CDHR3: variants seen among roughly 807,000 people sequenced by gnomAD.
CDHR3 encodes the protein cadherin related family member 3.
A neutral mutation model predicts 86.6 loss-of-function variants in CDHR3; 79 were observed. The ratio of observed to expected loss-of-function variants is 0.91; its 90% confidence interval spans 0.76 to 1.10. The LOEUF is 1.10. Among genes scored for constraint, CDHR3 ranks in the 50% least tolerant of loss-of-function variants. The pLI, the probability that CDHR3 is intolerant of heterozygous loss-of-function variation, is 0.00. For missense variants in CDHR3, 1,081 were observed against 1,077.6 expected (o/e 1.00, Z -0.04); for synonymous variants, 421 against 402.4 (o/e 1.05, Z -0.55).
At position 106,034,270 on chromosome 7, in the gene CDHR3, G is replaced by A. The variant is rs1269822520; in HGVS notation, c.*1573G>A. Among the ~76,000 whole-genome samples, 1 of 152,218 alleles carries A rather than the reference G, an allele frequency of 6.6e-6. No individual in the cohort carries two copies. The highest frequency in any genetic ancestry group is 6.5e-5 in the Admixed American group (1 of 15,288). Reference sequence around the variant, plus strand: ...TGAGCAAGCTTCACTCGAGCTCTATGCCCTGCTGCCCAGCTGCTGCGACCC... The same window carrying A: ...TGAGCAAGCTTCACTCGAGCTCTATACCCTGCTGCCCAGCTGCTGCGACCC... On this transcript the variant is annotated 3_prime_UTR_variant, in exon 19 of 19. Transcript: ENST00000317716.
chr7:106,029,543 C>CCT (rs200247045), intron 17 of CDHR3, among the ~76,000 whole-genome samples: 1,634 of 96,574 alleles, frequency 0.017, 18 homozygotes, highest in Middle Eastern at 0.024. Flanking sequence ...CTCTCCTCCA[C>CCT]CTCTGTCTCT....
At position 106,035,110 on chromosome 7, in the gene CDHR3, A is replaced by G. The variant is rs928774059; in HGVS notation, c.*2413A>G. 1.3e-5 allele frequency among the ~76,000 whole-genome samples: 2 copies of G among 151,570 alleles called. No homozygotes were observed. The highest frequency in any genetic ancestry group is 2.9e-5 in the Non-Finnish European group (2 of 67,900). On this transcript the variant is annotated 3_prime_UTR_variant, in exon 19 of 19. Transcript: ENST00000317716. ...AAAAAAAAAAAAAAGAATAATTAAAAGGAGAGAGTGGTGAGCAGCTGGTCT... is the reference window on the plus strand; with the variant it reads ...AAAAAAAAAAAAAAGAATAATTAAAGGGAGAGAGTGGTGAGCAGCTGGTCT...
chr7:105,963,737 C>T (rs1052781340), intron 1 of CDHR3, among the ~76,000 whole-genome samples: 5 of 152,018 alleles, frequency 3.3e-5, no homozygotes, highest in South Asian at 2.1e-4. Context: ...TCTGGAGGCT[C>T]GTAGGGCAAC....
At chr7:105,977,696 C>T (rs947772065) in intron 2 of CDHR3, among the ~76,000 whole-genome samples, 1 of 152,230 alleles carries the variant, frequency 6.6e-6, no homozygotes, top group Admixed American at 6.5e-5. Context: ...GCCTTCCAGA[C>T]ATGAAAATCT....
intron 8 of CDHR3, 122 bp from the exon 9 acceptor site, chr7:106,012,737 CA>C (rs1291622088): frequency 9.3e-7 from 1 of 1,077,544 alleles, no homozygotes; most frequent in Non-Finnish European, 1.3e-6. Flanking sequence ...GAGGTGACTG[CA>C]ATGACCATGG....
At chr7:105,996,387 C>T (rs764225043) in intron 6 of CDHR3, 33 bp downstream of exon 6, 23 of 1,310,786 alleles carry the variant, frequency 1.8e-5, no homozygotes, top group South Asian at 9.9e-5. Flanking sequence ...CTCCCTGGGC[C>T]GCAGGTGCGT....
chr7:105,987,780 C>A (rs1830735028), intron 4 of CDHR3, among the ~76,000 whole-genome samples: 1 of 152,212 alleles, frequency 6.6e-6, no homozygotes, highest in Non-Finnish European at 1.5e-5. Context: ...TTTCCAAGTC[C>A]CACTCCTGGA....
At chr7:106,019,983 C>T (rs990531033) in intron 12 of CDHR3, among the ~76,000 whole-genome samples, 1 of 152,198 alleles carries the variant, frequency 6.6e-6, no homozygotes, top group Admixed American at 6.5e-5. Context: ...TCCACACCTT[C>T]CTGGAAAAAC....
chr7:105,996,274 G>C lies in CDHR3; in HGVS notation c.633G>C (p.Arg211Ser). Reference protein sequence around the residue: ...HRSFHLIVEVRDSGGLKASTE... With the variant: ...HRSFHLIVEVSDSGGLKASTE... ...GTTTCCATCTCATCGTGGAGGTGAG[G>C]GACAGTGGAGGCCTCAAAGCCTCCA... Residue 211 changes from arginine to serine, a missense_variant, in exon 6 of 19, where the codon AGG becomes AGC. Transcript: ENST00000317716. 1 of 1,595,528 alleles carries C rather than the reference G, an allele frequency of 6.3e-7. No homozygotes were observed. The highest frequency in any genetic ancestry group is 1.3e-5 in the African/African-American group (1 of 74,716).
chr7:106,014,407 G>A (rs1320316209), intron 9 of CDHR3, among the ~76,000 whole-genome samples: 1 of 152,178 alleles, frequency 6.6e-6, no homozygotes, highest in Non-Finnish European at 1.5e-5. Flanking sequence ...GGTACGGTAA[G>A]TATTGACAAT....
Position 106,001,549 on chromosome 7 carries a change from T to A in CDHR3, c.801T>A (p.Gly267=), listed in dbSNP as rs748237936. Residue 267 remains glycine, a synonymous_variant, in exon 7 of 19, where the codon GGT becomes GGA. Coordinates refer to ENST00000317716, the MANE Select transcript of CDHR3 (RefSeq NM_152750.5). Reference sequence around the variant, plus strand: ...CAGCGGAGGATCCTGATGATGAAGGTTTTCCCAGCCACCTCCTCTACAGCA... The same window carrying A: ...CAGCGGAGGATCCTGATGATGAAGGATTTCCCAGCCACCTCCTCTACAGCA... The part of the protein sequence containing the change: ...NITAEDPDDE[G]FPSHLLYSIT... The A allele has an allele frequency of 1.8e-5, 29 of 1,613,660 alleles. No homozygotes were observed. The highest frequency in any genetic ancestry group is 2.3e-5 in the Non-Finnish European group (27 of 1,179,846).
intron 1 of CDHR3, among the ~76,000 whole-genome samples, chr7:105,970,586 G>A (rs1217547259): frequency 6.6e-6 from 1 of 152,140 alleles, no homozygotes; most frequent in Non-Finnish European, 1.5e-5. Context: ...AGGAAAGTAT[G>A]CGGTGTTTTA....
In CDHR3 at chr7:106,000,610, G is replaced by T. The variant is rs142385522; in HGVS notation, c.714-852G>T. Reference sequence around the variant, plus strand: ...TTTTCCCTCAGCAAAAGGACTTCCTGCAGAGTTGTTTTAAACAATAAGCCT... The same window carrying T: ...TTTTCCCTCAGCAAAAGGACTTCCTTCAGAGTTGTTTTAAACAATAAGCCT... On this transcript the variant is annotated intron_variant, in intron 6 of 18. Transcript: ENST00000317716. 7.5e-4 allele frequency among the ~76,000 whole-genome samples: 114 copies of T among 152,302 alleles called. No individual in the cohort carries two copies. In the East Asian group the frequency reaches 0.02, roughly 27 times the overall value.
In CDHR3 at chr7:106,001,589, A is replaced by G. The variant is rs1833183474; in HGVS notation, c.841A>G (p.Lys281Glu). The G allele has an allele frequency of 7.4e-6, 12 of 1,613,980 alleles. No homozygotes were observed. The highest frequency in any genetic ancestry group is 1.0e-5 in the Non-Finnish European group (12 of 1,179,878). ...HLLYSITTVS[K>E]YFMINQLTGT... ...CCTCTACAGCATTACCACTGTTAGC[A>G]AATATTTCATGATAAATCAGTGTAA... The change falls in exon 7 of 19, where the codon AAA (lysine) becomes GAA (glutamate). Residue 281 changes from lysine (K) to glutamate (E), a missense_variant. By Grantham distance (56) the Lys-to-Glu change is moderately conservative. Coordinates refer to ENST00000317716, the MANE Select transcript of CDHR3 (RefSeq NM_152750.5).
chr7:106,009,618 G>A lies in CDHR3; in HGVS notation c.1053-3242G>A, dbSNP rs572489348. On this transcript the variant is annotated intron_variant, in intron 8 of 18. Transcript: ENST00000317716. ...GCGCGGCTGCTGGAGGCGGTGTGCT[G>A]TGCTCCCGCAGGGAGGAGGGCGGCG... Among the ~76,000 whole-genome samples, 4 of 152,316 alleles carry A rather than the reference G, an allele frequency of 2.6e-5. No individual in the cohort carries two copies. In the South Asian group the frequency reaches 8.3e-4, roughly 32 times the overall value.
At chr7:106,022,812 CAGAAGAGTCTTTGCA>C (rs935808856) in intron 14 of CDHR3, among the ~76,000 whole-genome samples, 16 of 152,140 alleles carry the variant, frequency 1.1e-4, no homozygotes, top group African/African-American at 3.9e-4. Context: ...TCTGCTTGTT[CAGAAGAGTCTTTGCA>C]AGTCAATATC....
At chr7:105,994,898 A>T in intron 5 of CDHR3, 53 bp downstream of exon 5, 1 of 1,419,088 alleles carries the variant, frequency 7.0e-7, no homozygotes, top group South Asian at 1.2e-5. Context: ...GGGTCAAGGA[A>T]AACATGAGGG....
chr7:105,997,329 G>GC (rs1182609493), intron 6 of CDHR3, among the ~76,000 whole-genome samples: 5 of 152,188 alleles, frequency 3.3e-5, no homozygotes, highest in Non-Finnish European at 4.4e-5. Flanking sequence ...TCCAGTTGCA[G>GC]GTGTCAAAGA....
chr7:105,981,582 C>T (rs1829741354), intron 3 of CDHR3, among the ~76,000 whole-genome samples: 1 of 152,218 alleles, frequency 6.6e-6, no homozygotes, highest in Non-Finnish European at 1.5e-5. Context: ...CTTACAGGAT[C>T]TCCCCCAAGC....
Sources: allele counts gnomAD v4.1 joint callset (sites outside exome capture counted in the v4.1 genomes callset), GRCh38; gene constraint gnomAD v4.1.1; transcripts MANE v1.5; gene names NCBI Gene and HGNC (gene_info 2026-07-23, HGNC 2026-07-21).